The following TIMD4 variants were observed in gnomAD, a reference collection of about 807,000 sequenced individuals.
TIMD4 encodes the protein T-cell immunoglobulin and mucin domain-containing protein 4.
A neutral mutation model predicts 41.2 loss-of-function variants in TIMD4; 31 were observed. The observed-to-expected ratio is 0.75, with a 90% CI of 0.57 to 1.01. The LOEUF (loss-of-function observed/expected upper bound fraction) is 1.01. Ranked by LOEUF, TIMD4 falls within the 50% of genes least tolerant of loss-of-function variation. The pLI, the probability that TIMD4 is intolerant of heterozygous loss-of-function variation, is 0.00. For missense variants in TIMD4, 479 were observed against 472.5 expected, an observed-to-expected ratio of 1.01 and a Z score of -0.13; for synonymous variants, 204 against 177.1, an observed-to-expected ratio of 1.15 and a Z score of -1.21.
intron 5 of TIMD4, among the ~76,000 whole-genome samples, chr5:156,926,622 C>T (rs570246462): frequency 2.0e-5 from 3 of 152,236 alleles, no homozygotes; most frequent in Admixed American, 6.5e-5. Context: ...GATTTTTATC[C>T]GGCAAGAAAA....
intron 6 of TIMD4, among the ~76,000 whole-genome samples, chr5:156,925,042 C>T (rs1265993986): frequency 7.2e-5 from 11 of 152,184 alleles, no homozygotes; most frequent in African/African-American, 2.7e-4. Flanking sequence ...GGCATGTTGG[C>T]TCACGCCTGT....
rs79166821 is a variant in TIMD4 at position 156,924,254 on chromosome 5, T to C, written c.894+2009A>G. On this transcript the variant is annotated intron_variant, in intron 6 of 8. Coordinates refer to ENST00000274532, the MANE Select transcript of TIMD4 (RefSeq NM_138379.3). The stretch of plus-strand genomic sequence containing the variant: ...TTATGAGTTTTACTCTACTAAGTTC[T>C]CGAGGGCTAATCTAAACATGCAGAT... 1,878 of 384,892 alleles carry C rather than the reference T, an allele frequency of 4.9e-3. 35 individuals carry two copies. The highest frequency in any genetic ancestry group is 0.037 in the African/African-American group (1,746 of 47,464). 23.8% of individuals were successfully genotyped at this position (384,892 alleles called of 1,614,324 possible). A position where few individuals can be genotyped will look rare whatever the true frequency, so the allele number is the denominator to read the frequency against.
chr5:156,954,182 T>C (rs1759918220), intron 2 of TIMD4, among the ~76,000 whole-genome samples: 1 of 152,232 alleles, frequency 6.6e-6, no homozygotes, highest in African/African-American at 2.4e-5. Flanking sequence ...ACGTAGCAGC[T>C]GCCTTTTCAG....
Position 156,954,637 on chromosome 5 carries a change from GGCACTGGTCTTTCCCCCA to G in TIMD4, c.160_177del (p.Trp54_Cys59del). The G allele has an allele frequency of 6.2e-7, 1 of 1,614,230 alleles. No individual in the cohort carries two copies. Among genetic ancestry groups the G allele is most frequent in the South Asian group, 1.1e-5 (1 of 91,088 alleles). On this transcript the variant is annotated inframe_deletion, in exon 2 of 9. Transcript: ENST00000274532. ...AGCGCCTCCTTGCAACCGGAGTAGG[GGCACTGGTCTTTCCCCCA>G]GCACATGCTGTTGCTGTTGTGAGAC...
intron 5 of TIMD4, among the ~76,000 whole-genome samples, chr5:156,929,080 T>G (rs1356313436): frequency 6.6e-6 from 1 of 152,114 alleles, no homozygotes; most frequent in East Asian, 1.9e-4. Context: ...AAAGCCCAAA[T>G]GGGAAGCACT....
rs541632647 is a variant in TIMD4 at position 156,935,713 on chromosome 5, C to A, written c.845-9401G>T. 6 of 152,334 alleles carry A rather than the reference C, an allele frequency of 3.9e-5. No homozygotes were observed. The East Asian group carries it at 1.2e-3, about 29-fold the overall frequency. The allele number at this position is 152,334 out of a possible 1,614,324, so 9.4% of individuals were successfully genotyped here. On this transcript the variant is annotated intron_variant, in intron 5 of 8. Coordinates refer to ENST00000274532, the MANE Select transcript of TIMD4 (RefSeq NM_138379.3). ...AGGCACCTTGGTTCTGAACCTTGGC[C>A]TCAACCTTCCACTAGCAACAAAATC...
intron 2 of TIMD4, among the ~76,000 whole-genome samples, chr5:156,952,042 C>T (rs10475859): frequency 0.014 from 2,092 of 152,180 alleles, 49 homozygotes; most frequent in African/African-American, 0.047. Flanking sequence ...GTAATCCCAG[C>T]ACTTTGGGAG....
intron 1 of TIMD4, among the ~76,000 whole-genome samples, chr5:156,957,283 G>A (rs1185159032): frequency 2.6e-5 from 4 of 152,054 alleles, no homozygotes; most frequent in Non-Finnish European, 5.9e-5. Context: ...GGAGGCAGAG[G>A]CTGGCAGATC....
chr5:156,948,578 A>G (rs1480287308), intron 4 of TIMD4, 79 bp from the exon 5 acceptor site: 21 of 860,012 alleles, frequency 2.4e-5, no homozygotes, highest in Non-Finnish European at 3.3e-5. Context: ...AACTGTCCCT[A>G]TACTGACTTC....
chr5:156,925,359 G>T (rs904657113), intron 6 of TIMD4, among the ~76,000 whole-genome samples: 3 of 152,148 alleles, frequency 2.0e-5, no homozygotes, highest in Admixed American at 1.3e-4. Context: ...GCATCTTGCT[G>T]GGGCTATGCC....
In TIMD4 at chr5:156,961,298, C is replaced by T. The variant is rs1431324475; in HGVS notation, c.58+1843G>A. ...CTGTTGGTGGGAATGTAAATTACTA[C>T]AGCCATTATGGGAAACAGTATGGTG... is the stretch of plus-strand genomic sequence containing the variant. On this transcript the variant is annotated intron_variant, in intron 1 of 8. Transcript: ENST00000274532. 2.6e-5 allele frequency among the ~76,000 whole-genome samples: 4 copies of T among 152,130 alleles called. No individual in the cohort carries two copies. The East Asian group carries it at 5.8e-4, about 22-fold the overall frequency.
intron 1 of TIMD4, among the ~76,000 whole-genome samples, chr5:156,961,808 C>CAAAAAAAAAAAAAAAAAAACAAAA (rs1753059135): frequency 3.6e-5 from 1 of 27,962 alleles, no homozygotes. Flanking sequence ...GACTCCGTCT[C>CAAAAAAAAAAAAAAAAAAACAAAA]AAAAAAAAAA....
chr5:156,946,950 C>A (rs1181712551), intron 5 of TIMD4, among the ~76,000 whole-genome samples: 1 of 151,846 alleles, frequency 6.6e-6, no homozygotes, highest in Admixed American at 6.6e-5. Context: ...GCAACCCCAG[C>A]ACTTTGGGAG....
intron 8 of TIMD4, 37 bp from the exon 9 acceptor site, chr5:156,919,578 C>A (rs1561542296): frequency 6.4e-7 from 1 of 1,562,280 alleles, no homozygotes; most frequent in Non-Finnish European, 8.8e-7. Context: ...ATGGGAAACA[C>A]AAGACTAGAA....
At chr5:156,936,157 T>C (rs1240298729) in intron 5 of TIMD4, among the ~76,000 whole-genome samples, 2 of 152,114 alleles carry the variant, frequency 1.3e-5, no homozygotes, top group Non-Finnish European at 2.9e-5. Flanking sequence ...GAGGATCGCT[T>C]GAGCCCAAGA....
rs746936183 is a variant in TIMD4, at chr5:156,951,522, G to A, written c.669C>T (p.Ile223=). ...LTPEPSKEGP[I]LTAESETVLP... ...GATACATCTGCGTACCTGCAGTGAGGATGGGCCCTTCCTTAGAAGGCTCGG... is the reference window on the plus strand; with the variant it reads ...GATACATCTGCGTACCTGCAGTGAGAATGGGCCCTTCCTTAGAAGGCTCGG... Residue 223 remains isoleucine (I), a synonymous_variant, in exon 3 of 9, where the codon ATC becomes ATT. Coordinates refer to ENST00000274532, the MANE Select transcript of TIMD4 (RefSeq NM_138379.3). The A allele has an allele frequency of 6.2e-7, 1 of 1,614,180 alleles. No homozygotes were observed. Among genetic ancestry groups the A allele is most frequent in the South Asian group, 1.1e-5 (1 of 91,076 alleles).
intron 5 of TIMD4, among the ~76,000 whole-genome samples, chr5:156,940,148 G>T (rs924342899): frequency 2.0e-5 from 3 of 152,260 alleles, no homozygotes; most frequent in Non-Finnish European, 4.4e-5. Context: ...GGTGGAGACG[G>T]GGTTTCGCCC....
At chr5:156,919,616 T>C in intron 8 of TIMD4, 75 bp from the exon 9 acceptor site, 1 of 1,199,348 alleles carries the variant, frequency 8.3e-7, no homozygotes, top group South Asian at 1.3e-5. Context: ...GCTGCTAAGT[T>C]ACAGTGCAAT....
intron 4 of TIMD4, 113 bp from the exon 5 acceptor site, chr5:156,948,612 A>G (rs1009782541): frequency 9.9e-6 from 5 of 504,414 alleles, no homozygotes; most frequent in African/African-American, 2.0e-5. Flanking sequence ...AAAACAAAAC[A>G]AAACAAAGTA....
Sources: allele counts gnomAD v4.1 joint callset (sites outside exome capture counted in the v4.1 genomes callset), GRCh38; gene constraint gnomAD v4.1.1; transcripts MANE v1.5; gene names NCBI Gene and HGNC (gene_info 2026-07-23, HGNC 2026-07-21).